The following PPP2R2B variants were observed in gnomAD, a reference collection of about 807,000 sequenced individuals.
PPP2R2B encodes protein phosphatase 2 regulatory subunit Bbeta.
In PPP2R2B, 5 loss-of-function variants were observed where a neutral mutation model predicts 46.0. That is an observed-to-expected ratio of 0.11 (90% CI 0.06 to 0.23). The LOEUF (loss-of-function observed/expected upper bound fraction) is 0.23. Ranked by LOEUF, PPP2R2B falls within the 10% of genes least tolerant of loss-of-function variation. PPP2R2B has a pLI of 1.00. For missense variants in PPP2R2B, 367 were observed against 575.0 expected (o/e 0.64, Z 3.70); for synonymous variants, 215 against 206.7 (o/e 1.04, Z -0.34).
At chr5:146,594,447 C>G (rs926029561) in intron 8 of PPP2R2B, among the ~76,000 whole-genome samples, 2 of 152,164 alleles carry the variant, frequency 1.3e-5, no homozygotes, top group Admixed American at 6.5e-5. Context: ...AGCCTGGGTT[C>G]TCTGTTTTGA....
At chr5:146,658,329 G>A (rs750953476) in intron 5 of PPP2R2B, among the ~76,000 whole-genome samples, 6 of 152,116 alleles carry the variant, frequency 3.9e-5, no homozygotes, top group Non-Finnish European at 7.4e-5. Flanking sequence ...TTCCGGCCTC[G>A]CTTCAAATTT....
intron 5 of PPP2R2B, among the ~76,000 whole-genome samples, chr5:146,665,610 T>C (rs1019470611): frequency 5.9e-5 from 9 of 152,338 alleles, no homozygotes; most frequent in African/African-American, 1.9e-4. Context: ...CTCTCTGAAG[T>C]AGCATTTTTA....
intron 2 of PPP2R2B, among the ~76,000 whole-genome samples, chr5:147,062,678 C>T (rs1014219610): frequency 4.0e-5 from 6 of 151,894 alleles, no homozygotes; most frequent in Non-Finnish European, 7.4e-5. Flanking sequence ...CCCCTACTGT[C>T]TAGTACAGGA....
chr5:146,602,319 C>A (rs1172879951), intron 7 of PPP2R2B, among the ~76,000 whole-genome samples: 1 of 152,178 alleles, frequency 6.6e-6, no homozygotes, highest in East Asian at 1.9e-4. Context: ...CAGAGTCTTA[C>A]TCACAAATGT....
chr5:146,707,501 C>G, intron 2 of PPP2R2B: 1 of 737,352 alleles, frequency 1.4e-6, no homozygotes, highest in Non-Finnish European at 2.5e-6. Flanking sequence ...GCTCAAGGAG[C>G]TGATGCAGAC....
At chr5:146,732,151 T>C (rs1276142676) in intron 2 of PPP2R2B, among the ~76,000 whole-genome samples, 3 of 152,184 alleles carry the variant, frequency 2.0e-5, no homozygotes, top group African/African-American at 7.2e-5. Context: ...TCACCACTCA[T>C]TTATTCTGCT....
intron 1 of PPP2R2B, among the ~76,000 whole-genome samples, chr5:146,996,680 A>C (rs889553731): frequency 6.6e-6 from 1 of 152,182 alleles, no homozygotes; most frequent in African/African-American, 2.4e-5. Context: ...GAGTAATGGA[A>C]AGGAAGAAAC....
At chr5:146,639,960 C>T (rs181985848) in intron 6 of PPP2R2B, among the ~76,000 whole-genome samples, 1 of 152,284 alleles carries the variant, frequency 6.6e-6, no homozygotes, top group Admixed American at 6.5e-5. Context: ...GATATAACTG[C>T]CCCATTAGAC....
chr5:146,686,982 C>T (rs1041271670), intron 5 of PPP2R2B, among the ~76,000 whole-genome samples: 3 of 150,444 alleles, frequency 2.0e-5, no homozygotes, highest in African/African-American at 7.4e-5. Context: ...TTCTCCATTG[C>T]TGAGGTCAGA....
At chr5:146,759,201 A>C (rs1754011975) in intron 2 of PPP2R2B, among the ~76,000 whole-genome samples, 1 of 152,156 alleles carries the variant, frequency 6.6e-6, no homozygotes, top group Non-Finnish European at 1.5e-5. Flanking sequence ...GCATTGTTCC[A>C]GGAAGTTACA....
chr5:146,643,768 G>C (rs186440299), intron 6 of PPP2R2B, among the ~76,000 whole-genome samples: 2 of 152,240 alleles, frequency 1.3e-5, no homozygotes, highest in Admixed American at 6.5e-5. Context: ...AAAGAAAAAG[G>C]CATATGGTAT....
At chr5:146,593,181 G>A in intron 8 of PPP2R2B, 119 bp from the exon 9 acceptor site, 1 of 890,854 alleles carries the variant, frequency 1.1e-6, no homozygotes, top group Middle Eastern at 2.3e-4. Flanking sequence ...CTTTGAATCA[G>A]ATGGCCTTGG....
At chr5:146,728,433 C>T (rs1752016725) in intron 2 of PPP2R2B, among the ~76,000 whole-genome samples, 1 of 152,038 alleles carries the variant, frequency 6.6e-6, no homozygotes, top group African/African-American at 2.4e-5. Context: ...AGAGAATGGG[C>T]TCAGAGATTA....
intron 2 of PPP2R2B, among the ~76,000 whole-genome samples, chr5:146,804,608 A>C (rs1757066020): frequency 6.6e-6 from 1 of 152,232 alleles, no homozygotes; most frequent in South Asian, 2.1e-4. Context: ...TTGTTTAGAA[A>C]GACAAAATCA....
At chr5:147,036,932 T>A (rs577163036) in intron 1 of PPP2R2B, among the ~76,000 whole-genome samples, 1 of 152,320 alleles carries the variant, frequency 6.6e-6, no homozygotes, top group South Asian at 2.1e-4. Context: ...TATTGAAATG[T>A]GTCAGAAATT....
intron 1 of PPP2R2B, among the ~76,000 whole-genome samples, chr5:147,042,415 A>G (rs1018649175): frequency 6.6e-6 from 1 of 152,098 alleles, no homozygotes; most frequent in Non-Finnish European, 1.5e-5. Context: ...GAGATCTCCT[A>G]ATTAAAAATG....
intron 1 of PPP2R2B, among the ~76,000 whole-genome samples, chr5:146,929,474 T>C (rs1763896521): frequency 1.3e-5 from 2 of 151,790 alleles, no homozygotes; most frequent in African/African-American, 4.8e-5. Flanking sequence ...AGGAGGAGCA[T>C]AGGTAAAAGA....
At chr5:146,628,519 C>G (rs1235546340) in intron 7 of PPP2R2B, among the ~76,000 whole-genome samples, 1 of 152,158 alleles carries the variant, frequency 6.6e-6, no homozygotes, top group Non-Finnish European at 1.5e-5. Flanking sequence ...GGCTCCTCAC[C>G]CTGGCCCTCA....
At chr5:146,927,695 T>G (rs1763824281) in intron 1 of PPP2R2B, among the ~76,000 whole-genome samples, 1 of 151,916 alleles carries the variant, frequency 6.6e-6, no homozygotes, top group Non-Finnish European at 1.5e-5. Flanking sequence ...CAGGCAGCCA[T>G]TATATGGATC....
Sources: gnomAD v4.1 joint callset for allele counts (sites outside exome capture counted in the v4.1 genomes callset) on GRCh38, gnomAD v4.1.1 for gene constraint, MANE v1.5 for transcripts, NCBI Gene and HGNC (gene_info 2026-07-23, HGNC 2026-07-21) for gene names.